FAM114A1: variants seen among roughly 807,000 people sequenced by gnomAD.
The protein encoded by FAM114A1 is family with sequence similarity 114 member A1.
A neutral mutation model predicts 64.3 loss-of-function variants in FAM114A1; 62 were observed. The observed-to-expected ratio is 0.96, with a 90% CI of 0.79 to 1.19. FAM114A1 has a LOEUF of 1.19. Among genes scored for constraint, FAM114A1 ranks in the 50% most tolerant of loss-of-function variants. The pLI, the probability that FAM114A1 is intolerant of heterozygous loss-of-function variation, is 0.00. For synonymous variants in FAM114A1, 254 were observed against 251.1 expected (o/e 1.01, Z -0.11); for missense variants, 645 against 676.3 (o/e 0.95, Z 0.51).
intron 4 of FAM114A1, among the ~76,000 whole-genome samples, chr4:38,896,274 A>G (rs1447008361): frequency 6.6e-6 from 1 of 152,134 alleles, no homozygotes; most frequent in East Asian, 1.9e-4. Context: ...CTCCCCCCAA[A>G]ATGAATGCAA....
At chr4:38,929,373 AC>A (rs66855132) in intron 10 of FAM114A1, 40 bp downstream of exon 10, 8 of 1,471,742 alleles carry the variant, frequency 5.4e-6, no homozygotes, top group Admixed American at 1.7e-5. Flanking sequence ...TTAAAAAAAA[AC>A]AGTGCAGGGG....
chr4:38,901,437 G>A lies in FAM114A1; in HGVS notation c.437-4085G>A, dbSNP rs529885698. On this transcript the variant is annotated intron_variant, in intron 4 of 14. Coordinates refer to ENST00000358869, the MANE Select transcript of FAM114A1 (RefSeq NM_138389.4). The stretch of plus-strand genomic sequence containing the variant: ...CAAGTAGCTGGGATTACAGGCGCCT[G>A]CCGCCACACCCGGCAAATTTTGTAT... 3.3e-5 allele frequency among the ~76,000 whole-genome samples: 5 copies of A among 152,162 alleles called. No individual in the cohort carries two copies. The South Asian group carries it at 1.0e-3, about 31-fold the overall frequency.
At chr4:38,903,625 C>T (rs1392359036) in intron 4 of FAM114A1, among the ~76,000 whole-genome samples, 1 of 152,042 alleles carries the variant, frequency 6.6e-6, no homozygotes, top group African/African-American at 2.4e-5. Flanking sequence ...GATATTCTAT[C>T]CTCTAACTTA....
intron 10 of FAM114A1, among the ~76,000 whole-genome samples, chr4:38,930,058 A>G (rs1720504107): frequency 6.6e-6 from 1 of 152,170 alleles, no homozygotes; most frequent in African/African-American, 2.4e-5. Flanking sequence ...GAAACATGCC[A>G]GAATTAGGTA....
chr4:38,935,614 A>G (rs911750461), intron 12 of FAM114A1, 104 bp from the exon 13 acceptor site: 1 of 744,356 alleles, frequency 1.3e-6, no homozygotes, highest in Middle Eastern at 3.9e-4. Context: ...CATGTGTGGC[A>G]TTCTTTTAAA....
chr4:38,930,941 T>C (rs1720575379), intron 10 of FAM114A1, among the ~76,000 whole-genome samples: 2 of 152,160 alleles, frequency 1.3e-5, no homozygotes, highest in South Asian at 2.1e-4. Context: ...AGACCTGTCA[T>C]GAATCAAGAA....
chr4:38,917,282 A>G (rs1719155419), intron 8 of FAM114A1, among the ~76,000 whole-genome samples: 1 of 152,048 alleles, frequency 6.6e-6, no homozygotes, highest in Non-Finnish European at 1.5e-5. Context: ...AGGTTGCAGT[A>G]AGCCGAGATC....
At chr4:38,917,149 C>CAAAG (rs1719133150) in intron 8 of FAM114A1, among the ~76,000 whole-genome samples, 1 of 143,064 alleles carries the variant, frequency 7.0e-6, no homozygotes, top group Non-Finnish European at 1.5e-5. Context: ...ACTAAAAATA[C>CAAAG]AAATAAATAA....
At chr4:38,886,649 C>A (rs567166855) in intron 3 of FAM114A1, among the ~76,000 whole-genome samples, 2 of 151,558 alleles carry the variant, frequency 1.3e-5, no homozygotes, top group African/African-American at 4.8e-5. Context: ...TAGCCTGGGC[C>A]GGGCACAGTG....
intron 2 of FAM114A1, among the ~76,000 whole-genome samples, chr4:38,870,129 C>G (rs1251470554): frequency 6.6e-6 from 1 of 152,202 alleles, no homozygotes; most frequent in Non-Finnish European, 1.5e-5. Context: ...TTGACGCCTG[C>G]AGGACACAAC....
chr4:38,878,112 G>A lies in FAM114A1; in HGVS notation c.34G>A (p.Gly12Arg). ...TGATGCTGGTGACACCTTAGCCACT[G>A]GAGACAAAGCAGAAGTTACTGAGAT... ...SDDAGDTLAT[G>R]DKAEVTEMPN... The change falls in exon 3 of 15, where the codon GGA becomes AGA. Residue 12 changes from glycine to arginine, a missense_variant. Physicochemically the swap from Gly to Arg is moderately radical, Grantham distance 125 (BLOSUM62 -2). Coordinates refer to ENST00000358869, the MANE Select transcript of FAM114A1 (RefSeq NM_138389.4). The A allele has an allele frequency of 6.2e-7, 1 of 1,613,186 alleles. No individual in the cohort carries two copies. The highest frequency in any genetic ancestry group is 8.5e-7 in the Non-Finnish European group (1 of 1,179,384).
At chr4:38,934,636 A>G (rs1720931416) in intron 12 of FAM114A1, among the ~76,000 whole-genome samples, 1 of 152,192 alleles carries the variant, frequency 6.6e-6, no homozygotes, top group South Asian at 2.1e-4. Context: ...CTAGGTAATC[A>G]GATTGTTTTC....
At chr4:38,903,402 G>A (rs1717691250) in intron 4 of FAM114A1, among the ~76,000 whole-genome samples, 1 of 152,204 alleles carries the variant, frequency 6.6e-6, no homozygotes, top group Non-Finnish European at 1.5e-5. Flanking sequence ...AGGGAAGGAT[G>A]TGTGATCATC....
intron 12 of FAM114A1, 38 bp downstream of exon 12, chr4:38,932,412 T>C: frequency 6.4e-7 from 1 of 1,554,932 alleles, no homozygotes; most frequent in South Asian, 1.2e-5. Context: ...TTTTCCCAGT[T>C]TTATATATAG....
At chr4:38,935,284 C>T (rs966593862) in intron 12 of FAM114A1, among the ~76,000 whole-genome samples, 1 of 152,160 alleles carries the variant, frequency 6.6e-6, no homozygotes, top group Non-Finnish European at 1.5e-5. Context: ...CCCATAAGGT[C>T]ACCCTGAGGA....
intron 4 of FAM114A1, among the ~76,000 whole-genome samples, chr4:38,903,334 G>A (rs927693530): frequency 1.3e-5 from 2 of 152,188 alleles, no homozygotes; most frequent in African/African-American, 4.8e-5. Context: ...TGCAAGGGAC[G>A]GAGAAGGTGA....
Position 38,932,239 on chromosome 4 carries a change from T to C in FAM114A1, c.1328T>C (p.Val443Ala). 1 of 1,598,564 alleles carries C rather than the reference T, an allele frequency of 6.3e-7. No individual in the cohort carries two copies. Among genetic ancestry groups the C allele is most frequent in the Non-Finnish European group, 8.5e-7 (1 of 1,176,380 alleles). ...EEKKTKTIEE[V>A]YMSSIESLAE... ...GCTTGTGTCTATTCATTTCAGGAAGTATACATGTCGTCCATTGAAAGTCTG... is the reference window on the plus strand; with the variant it reads ...GCTTGTGTCTATTCATTTCAGGAAGCATACATGTCGTCCATTGAAAGTCTG... Residue 443 changes from valine to alanine, a missense_variant, in exon 12 of 15, where the codon GTA becomes GCA. By Grantham distance (64) the Val-to-Ala change is moderately conservative (BLOSUM62 0). Coordinates refer to ENST00000358869, the MANE Select transcript of FAM114A1 (RefSeq NM_138389.4).
At chr4:38,886,858 G>A (rs1715862574) in intron 3 of FAM114A1, among the ~76,000 whole-genome samples, 1 of 151,360 alleles carries the variant, frequency 6.6e-6, no homozygotes. Context: ...AGCCCAGGAG[G>A]TGGAGGCTGC....
At chr4:38,875,775 A>G (rs1714552708) in intron 2 of FAM114A1, among the ~76,000 whole-genome samples, 1 of 152,136 alleles carries the variant, frequency 6.6e-6, no homozygotes, top group Non-Finnish European at 1.5e-5. Context: ...CCCCTTCGGT[A>G]TGATGTTAGC....
Sources: gnomAD v4.1 joint callset for allele counts (sites outside exome capture counted in the v4.1 genomes callset) on GRCh38, gnomAD v4.1.1 for gene constraint, MANE v1.5 for transcripts, NCBI Gene and HGNC (gene_info 2026-07-23, HGNC 2026-07-21) for gene names.